Variants in SCAMP4 observed in about 807,000 individuals in gnomAD.
The protein encoded by SCAMP4 is secretory carrier membrane protein 4.
A neutral mutation model predicts 32.1 loss-of-function variants in SCAMP4; 19 were observed. That is an observed-to-expected ratio of 0.59 (90% CI 0.41 to 0.87). SCAMP4 has a LOEUF of 0.87. Ranked by LOEUF, SCAMP4 falls within the 40% of genes least tolerant of loss-of-function variation. SCAMP4 has a pLI of 0.00. For missense variants in SCAMP4, 302 were observed against 309.0 expected (o/e 0.98, Z 0.17); for synonymous variants, 152 against 132.7 (o/e 1.15, Z -1.00).
intron 2 of SCAMP4, among the ~76,000 whole-genome samples, chr19:1,916,303 C>G (rs1328383438): frequency 6.6e-6 from 1 of 151,780 alleles, no homozygotes; most frequent in Non-Finnish European, 1.5e-5. Context: ...GAGGCCAGAG[C>G]TATGCGGCCA....
chr19:1,925,930 C>T lies in SCAMP4; in HGVS notation c.*1646C>T, dbSNP rs1376211806. 3.3e-5 allele frequency: 5 copies of T among 152,172 alleles called. No homozygotes were observed. Among genetic ancestry groups the T allele is most frequent in the Non-Finnish European group, 4.4e-5 (3 of 67,998 alleles). The allele number at this position is 152,172 out of a possible 1,614,324, so 9.4% of individuals were successfully genotyped here. A position where few individuals can be genotyped will look rare whatever the true frequency, so the allele number is the denominator to read the frequency against. ...GCCCAACCCCCCCCCACCCCTCCCC[C>T]GCCGTGTGTGGCCCCTCGCCGCATC... On this transcript the variant is annotated 3_prime_UTR_variant, in exon 7 of 7. Transcript: ENST00000316097.
At chr19:1,915,048 G>T in intron 2 of SCAMP4, 22 bp downstream of exon 2, 1 of 1,613,578 alleles carries the variant, frequency 6.2e-7, no homozygotes, top group Non-Finnish European at 8.5e-7. Flanking sequence ...CTGCCTGGGA[G>T]CCTCCAGCAG....
chr19:1,913,436 G>A, intron 1 of SCAMP4: 1 of 545,534 alleles, frequency 1.8e-6, no homozygotes, highest in Non-Finnish European at 3.3e-6. Flanking sequence ...AAAATAAACA[G>A]CCCAAAACCA....
rs148881076 is a variant in SCAMP4 at position 1,920,725 on chromosome 19, A to C, written c.395+1735A>C. The stretch of plus-strand genomic sequence containing the variant: ...GCTCCCAGCTGCCAGCTCGGCTCCC[A>C]CTGGCCCTTCCCTGGGCTCCAGTGC... On this transcript the variant is annotated intron_variant, in intron 5 of 6. Coordinates refer to ENST00000316097, the MANE Select transcript of SCAMP4 (RefSeq NM_079834.4). 3.8e-3 allele frequency: 3,761 copies of C among 985,300 alleles called. 6 individuals carry two copies. The highest frequency in any genetic ancestry group is 4.3e-3 in the Non-Finnish European group (3,584 of 830,026). 61.0% of individuals were successfully genotyped at this position (985,300 alleles called of 1,614,324 possible).
chr19:1,912,589 T>TG, intron 1 of SCAMP4: 1 of 1,493,922 alleles, frequency 6.7e-7, no homozygotes, highest in Non-Finnish European at 8.9e-7. Flanking sequence ...GGGCGGCTCT[T>TG]CTCCACGCAG....
At chr19:1,915,539 G>T in intron 2 of SCAMP4, 1 of 171,448 alleles carries the variant, frequency 5.8e-6, no homozygotes, top group Non-Finnish European at 1.3e-5. Context: ...TTGATCCCTG[G>T]AACCTGTGAG....
rs769573934 is a variant in SCAMP4 at position 1,924,110 on chromosome 19, G to A, written c.516G>A (p.Val172=). The A allele has an allele frequency of 2.5e-6, 4 of 1,607,898 alleles. No homozygotes were observed. The highest frequency in any genetic ancestry group is 2.5e-6 in the Non-Finnish European group (3 of 1,177,238). The change falls in exon 7 of 7, where the codon GTG becomes GTA. Residue 172 remains valine (V), a splice_region_variant and synonymous_variant. Transcript: ENST00000316097. ...CTCCCTGTCCTCTGTCCTTGCAGGT[G>A]CACAGGATCTACCGAGGGGCTGGCG... ...AAMMAIAIMK[V]HRIYRGAGGS...
Position 1,918,204 on chromosome 19 carries a change from G to T in SCAMP4, c.214G>T (p.Gly72Cys). 6.2e-7 allele frequency: 1 copy of T among 1,612,266 alleles called. No individual in the cohort carries two copies. The highest frequency in any genetic ancestry group is 8.5e-7 in the Non-Finnish European group (1 of 1,179,824). ...WIGGGSGTNF[G>C]LAFVWLLLFT... ...CGGCGGAGGCTCGGGGACCAACTTC[G>T]GCCTGGCCTTCGTGTGGCTGCTCCT... The change falls in exon 4 of 7, where the codon GGC (glycine) becomes TGC (cysteine). Residue 72 changes from glycine (G) to cysteine (C), a missense_variant. Physicochemically the swap from Gly to Cys is radical, Grantham distance 159. Transcript: ENST00000316097.
chr19:1,906,233 G>A (rs186476230), intron 1 of SCAMP4: 5 of 152,142 alleles, frequency 3.3e-5, no homozygotes, highest in African/African-American at 7.2e-5. Context: ...GGTGTCACGC[G>A]CCTGTAAAAC....
intron 2 of SCAMP4, among the ~76,000 whole-genome samples, 178 bp from the exon 3 acceptor site, chr19:1,917,516 G>A (rs940531102): frequency 6.6e-6 from 1 of 151,928 alleles, no homozygotes; most frequent in Admixed American, 6.6e-5. Context: ...CCACCCTCCC[G>A]TCTCCTCTCG....
intron 1 of SCAMP4, among the ~76,000 whole-genome samples, chr19:1,910,310 G>GCT (rs1334836432): frequency 2.0e-5 from 3 of 152,206 alleles, no homozygotes; most frequent in Admixed American, 2.0e-4. Flanking sequence ...CAAGGGTCCT[G>GCT]CTCAGTTCCT....
intron 1 of SCAMP4, chr19:1,907,998 A>G (rs1480089562): frequency 1.9e-5 from 3 of 156,386 alleles, no homozygotes; most frequent in Non-Finnish European, 2.8e-5. Context: ...GTGTCCCGGC[A>G]GCTGCCTCCT....
intron 2 of SCAMP4, among the ~76,000 whole-genome samples, chr19:1,916,383 G>A: frequency 6.6e-6 from 1 of 152,210 alleles, no homozygotes; most frequent in Middle Eastern, 3.2e-3. Context: ...CCCGGAGCCT[G>A]CAGAGGGAGC....
At chr19:1,919,722 C>G (rs2013859100) in intron 5 of SCAMP4, among the ~76,000 whole-genome samples, 1 of 151,530 alleles carries the variant, frequency 6.6e-6, no homozygotes, top group Admixed American at 6.6e-5. Flanking sequence ...TGGTATCGAA[C>G]TCCCGAGCTC....
rs902514257 is a variant in SCAMP4 at position 1,924,361 on chromosome 19, G to A, written c.*77G>A. ...CTGCTACCCCTGGTCCCGAGGGCTG[G>A]GAGTACCTGGGGCCCCATCCCCCCA... On this transcript the variant is annotated 3_prime_UTR_variant, in exon 7 of 7. Transcript: ENST00000316097. The A allele has an allele frequency of 4.3e-5, 61 of 1,414,250 alleles. No individual in the cohort carries two copies. Among genetic ancestry groups the A allele is most frequent in the Middle Eastern group, 2.4e-4 (1 of 4,158 alleles). 87.6% of individuals were successfully genotyped at this position (1,414,250 alleles called of 1,614,324 possible).
intron 4 of SCAMP4, chr19:1,918,599 T>G: frequency 1.9e-6 from 1 of 516,376 alleles, no homozygotes; most frequent in Non-Finnish European, 3.4e-6. Context: ...CTGTCTCTAC[T>G]ATAGGTACAA....
At position 1,905,408 on chromosome 19, in the gene SCAMP4, C is replaced by T. The variant is rs1282669466; in HGVS notation, c.-73C>T. 6.5e-6 allele frequency: 3 copies of T among 463,494 alleles called. No homozygotes were observed. The highest frequency in any genetic ancestry group is 2.0e-5 in the African/African-American group (1 of 49,190). 28.7% of individuals were successfully genotyped at this position (463,494 alleles called of 1,614,324 possible). A position where few individuals can be genotyped will look rare whatever the true frequency, so the allele number is the denominator to read the frequency against. The stretch of plus-strand genomic sequence containing the variant: ...GGCCGGGCCGGTTGCTAAGACTTGG[C>T]GAAGCGCTGCGCTCGCGCCCGGATC... On this transcript the variant is annotated 5_prime_UTR_variant, in exon 1 of 7. Coordinates refer to ENST00000316097, the MANE Select transcript of SCAMP4 (RefSeq NM_079834.4).
At chr19:1,920,280 C>G (rs2145456147) in intron 5 of SCAMP4, 2 of 985,392 alleles carry the variant, frequency 2.0e-6, no homozygotes, top group African/African-American at 3.5e-5. Context: ...CTTTGGTTTC[C>G]TGGGCTCCCA....
chr19:1,908,220 G>T lies in SCAMP4; in HGVS notation c.-42+2781G>T, dbSNP rs1016773753. On this transcript the variant is annotated intron_variant, in intron 1 of 6. Transcript: ENST00000316097. This position sits in a 1 kb window ranked among gnomAD's most constrained non-coding sequence, Gnocchi z 4.2. ...CACCTGGCACGGGGCCTCGGGCAGC[G>T]GCAGCACCTGGCGCTGCCTCCGCGC... The T allele has an allele frequency of 7.3e-6, 2 of 275,632 alleles. No homozygotes were observed. The highest frequency in any genetic ancestry group is 6.1e-5 in the South Asian group (2 of 32,594). The allele number at this position is 275,632 out of a possible 1,614,324, so 17.1% of individuals were successfully genotyped here.
Sources: gnomAD v4.1 joint callset for allele counts (sites outside exome capture counted in the v4.1 genomes callset) on GRCh38, gnomAD v4.1.1 for gene constraint, Gnocchi (gnomAD v3.1) non-coding constraint, MANE v1.5 for transcripts, NCBI Gene and HGNC (gene_info 2026-07-23, HGNC 2026-07-21) for gene names.